The following CLEC16A variants were observed in gnomAD, a reference collection of about 807,000 sequenced individuals.
The protein encoded by CLEC16A is C-type lectin domain containing 16A.
CLEC16A carries 51 observed loss-of-function variants against 109.5 expected under a neutral mutation model. The observed-to-expected ratio is 0.47, with a 90% CI of 0.37 to 0.59. CLEC16A has a LOEUF of 0.59. CLEC16A is among the 20% of genes least tolerant of loss of function. The pLI is 0.00. For missense variants in CLEC16A, 1,339 were observed against 1,394.0 expected, an observed-to-expected ratio of 0.96 and a Z score of 0.63; for synonymous variants, 673 against 564.2, an observed-to-expected ratio of 1.19 and a Z score of -2.73.
intron 13 of CLEC16A, among the ~76,000 whole-genome samples, chr16:11,031,722 A>C (rs567782775): frequency 6.6e-6 from 1 of 152,350 alleles, no homozygotes; most frequent in Non-Finnish European, 1.5e-5. Context: ...ACAGTAAACT[A>C]GTAACCAAGT....
rs141324242 is a variant in CLEC16A, at chr16:11,119,966, G to GTT, written c.2117-648_2117-647dup. On this transcript the variant is annotated intron_variant, in intron 19 of 23. Transcript: ENST00000409790. The stretch of plus-strand genomic sequence containing the variant: ...GTTTTGTTGTTTTGTTTTGTGTTGT[G>GTT]TTGTTTTGTTTTGTTTTGTTTGAGA... Among the ~76,000 whole-genome samples, 845 of 150,882 alleles carry GTT rather than the reference G, an allele frequency of 5.6e-3. 12 individuals carry two copies. Among genetic ancestry groups the GTT allele is most frequent in the African/African-American group, 0.019 (800 of 41,058 alleles).
chr16:11,056,187 A>G (rs1196893459), intron 18 of CLEC16A, among the ~76,000 whole-genome samples: 1 of 152,276 alleles, frequency 6.6e-6, no homozygotes, highest in Non-Finnish European at 1.5e-5. Context: ...AAGAAGGAAA[A>G]CAGTGGTGTC....
At chr16:11,008,695 T>A (rs2045198442) in intron 11 of CLEC16A, among the ~76,000 whole-genome samples, 2 of 151,656 alleles carry the variant, frequency 1.3e-5, no homozygotes, top group Non-Finnish European at 2.9e-5. Context: ...ATTTCAGTAG[T>A]GTTAAGTACA....
chr16:10,975,022 C>G (rs1188102087), intron 7 of CLEC16A, among the ~76,000 whole-genome samples: 2 of 152,164 alleles, frequency 1.3e-5, no homozygotes, highest in African/African-American at 4.8e-5. Flanking sequence ...TCTGCAGAAA[C>G]AAGTAACTGC....
At chr16:11,082,554 G>C (rs1480881976) in intron 19 of CLEC16A, among the ~76,000 whole-genome samples, 2 of 152,170 alleles carry the variant, frequency 1.3e-5, no homozygotes, top group African/African-American at 4.8e-5. Context: ...TGGTGAATTG[G>C]GAATGAGTGG....
intron 21 of CLEC16A, among the ~76,000 whole-genome samples, chr16:11,125,589 C>T (rs1182489555): frequency 2.6e-5 from 4 of 152,198 alleles, no homozygotes; most frequent in South Asian, 2.1e-4. Context: ...CACACGTATA[C>T]GTGTGAACTC....
intron 22 of CLEC16A, among the ~76,000 whole-genome samples, chr16:11,158,476 T>C (rs1286409610): frequency 6.6e-6 from 1 of 152,228 alleles, no homozygotes; most frequent in African/African-American, 2.4e-5. Flanking sequence ...TAGAGCTTTT[T>C]CCTAAAAGAG....
chr16:10,947,769 A>G (rs1164273575), intron 1 of CLEC16A, among the ~76,000 whole-genome samples: 2 of 152,208 alleles, frequency 1.3e-5, no homozygotes, highest in Non-Finnish European at 1.5e-5. Context: ...GTGACAAGTG[A>G]CAGTTCTTAA....
At chr16:10,969,911 G>A (rs764523114) in intron 4 of CLEC16A, among the ~76,000 whole-genome samples, 2 of 152,168 alleles carry the variant, frequency 1.3e-5, no homozygotes, top group Non-Finnish European at 2.9e-5. Flanking sequence ...TAAATGAGAT[G>A]ATGTCTTCAA....
chr16:11,125,577 T>TA (rs1312762767), intron 21 of CLEC16A, among the ~76,000 whole-genome samples: 4 of 152,206 alleles, frequency 2.6e-5, no homozygotes, highest in Admixed American at 6.5e-5. Context: ...CGGATATACA[T>TA]ACACACGTAT....
At chr16:11,133,253 C>G (rs557521433) in intron 22 of CLEC16A, among the ~76,000 whole-genome samples, 1 of 151,914 alleles carries the variant, frequency 6.6e-6, no homozygotes, top group Non-Finnish European at 1.5e-5. Flanking sequence ...GCAGGAGAAT[C>G]ACTTGAACCC....
intron 1 of CLEC16A, among the ~76,000 whole-genome samples, chr16:10,952,425 C>T (rs753422475): frequency 6.6e-6 from 1 of 152,176 alleles, no homozygotes; most frequent in African/African-American, 2.4e-5. Flanking sequence ...ACCTAAGAGG[C>T]GGAGGCCGCA....
intron 13 of CLEC16A, among the ~76,000 whole-genome samples, chr16:11,037,361 TAAC>T (rs2047080590): frequency 6.6e-6 from 1 of 152,188 alleles, no homozygotes; most frequent in Admixed American, 6.5e-5. Context: ...GGAAACAACA[TAAC>T]AACTCTGGGC....
intron 18 of CLEC16A, among the ~76,000 whole-genome samples, chr16:11,058,612 A>G (rs941908473): frequency 2.0e-5 from 3 of 151,908 alleles, no homozygotes; most frequent in Admixed American, 1.3e-4. Context: ...TATGTGTATT[A>G]TATTCTATTT....
intron 16 of CLEC16A, among the ~76,000 whole-genome samples, chr16:11,047,091 A>G (rs1275171893): frequency 2.0e-5 from 3 of 152,178 alleles, no homozygotes; most frequent in Non-Finnish European, 2.9e-5. Context: ...AAAATTTTGA[A>G]TAGTGCAATT....
In CLEC16A at chr16:11,049,726, A is replaced by G. The variant is rs535628584; in HGVS notation, c.1867-1787A>G. Among the ~76,000 whole-genome samples, 207 of 152,272 alleles carry G rather than the reference A, an allele frequency of 1.4e-3. 4 individuals carry two copies. The highest frequency in any genetic ancestry group is 4.8e-3 in the African/African-American group (198 of 41,556). ...TCATTTCCCTTATTGCCTCTGGTTT[A>G]ATGCAAAAGGTTCAGTGAGGTGATG... On this transcript the variant is annotated intron_variant, in intron 17 of 23. Transcript: ENST00000409790.
chr16:11,040,736 A>G (rs1452059811), intron 14 of CLEC16A: 1 of 151,002 alleles, frequency 6.6e-6, no homozygotes, highest in Non-Finnish European at 1.5e-5. Context: ...CTGGTCTCGA[A>G]CTCCTGACCT....
At chr16:11,113,435 G>A (rs1028707001) in intron 19 of CLEC16A, among the ~76,000 whole-genome samples, 1 of 152,176 alleles carries the variant, frequency 6.6e-6, no homozygotes, top group African/African-American at 2.4e-5. Flanking sequence ...TGAGGTGGGA[G>A]GATCCCTTGA....
chr16:11,142,604 G>A (rs982092782), intron 22 of CLEC16A, among the ~76,000 whole-genome samples: 1 of 152,242 alleles, frequency 6.6e-6, no homozygotes, highest in Non-Finnish European at 1.5e-5. Flanking sequence ...CCAGGCACAG[G>A]AGCCTCTGCA....
Sources: allele counts gnomAD v4.1 joint callset (sites outside exome capture counted in the v4.1 genomes callset), GRCh38; gene constraint gnomAD v4.1.1; transcripts MANE v1.5; gene names NCBI Gene and HGNC (gene_info 2026-07-23, HGNC 2026-07-21).